The following MDGA2 variants were observed in gnomAD, a reference collection of about 807,000 sequenced individuals.
The protein encoded by MDGA2 is MAM domain containing glycosylphosphatidylinositol anchor 2.
In MDGA2, 40 loss-of-function variants were observed where a neutral mutation model predicts 117.8. The observed-to-expected ratio is 0.34, with a 90% CI of 0.26 to 0.44. The LOEUF is 0.44. MDGA2 is among the 20% of genes least tolerant of loss of function. MDGA2 has a pLI of 1.00. For missense variants in MDGA2, 1,123 were observed against 1,250.6 expected, an observed-to-expected ratio of 0.90 and a Z score of 1.54; for synonymous variants, 452 against 439.0, an observed-to-expected ratio of 1.03 and a Z score of -0.37.
chr14:47,470,265 G>GCCCCCCCCCC, intron 1 of MDGA2, among the ~76,000 whole-genome samples: 4 of 124,940 alleles, frequency 3.2e-5, no homozygotes, highest in South Asian at 2.6e-4. Context: ...CCTTCCCCCA[G>GCCCCCCCCCC]CCCCCCCACC....
At position 47,171,465 on chromosome 14, in the gene MDGA2, T is replaced by C. The variant is rs572138051; in HGVS notation, c.596-27191A>G. 5.3e-5 allele frequency among the ~76,000 whole-genome samples: 8 copies of C among 152,260 alleles called. No homozygotes were observed. The East Asian group carries it at 1.5e-3, about 29-fold the overall frequency. On this transcript the variant is annotated intron_variant, in intron 3 of 16. Coordinates refer to ENST00000399232, the MANE Select transcript of MDGA2 (RefSeq NM_001113498.3). ...AAAAACTAACCAAGGAAGAGGCAATTTATATGAAAAATGTAACTACTTTTC... is the reference window on the plus strand; with the variant it reads ...AAAAACTAACCAAGGAAGAGGCAATCTATATGAAAAATGTAACTACTTTTC...
At chr14:47,405,035 T>G (rs1242162797) in intron 1 of MDGA2, among the ~76,000 whole-genome samples, 1 of 152,186 alleles carries the variant, frequency 6.6e-6, no homozygotes, top group Non-Finnish European at 1.5e-5. Flanking sequence ...ATGAATGATG[T>G]TTATAGCAAT....
chr14:47,032,432 A>T (rs1488628730), intron 8 of MDGA2, among the ~76,000 whole-genome samples: 1 of 152,126 alleles, frequency 6.6e-6, no homozygotes, highest in African/African-American at 2.4e-5. Flanking sequence ...ACACAAAATT[A>T]AAAAATTAGC....
chr14:46,868,376 G>T (rs917535841), intron 14 of MDGA2, among the ~76,000 whole-genome samples: 1 of 151,764 alleles, frequency 6.6e-6, no homozygotes, highest in East Asian at 1.9e-4. Context: ...TGCAGGGCAG[G>T]GTGTCATCAG....
chr14:46,957,670 TG>T (rs1885617738), intron 8 of MDGA2, 27 bp from the exon 9 acceptor site: 1 of 1,610,988 alleles, frequency 6.2e-7, no homozygotes, highest in Admixed American at 1.7e-5. Flanking sequence ...TAAAAACAGA[TG>T]AAAGATGTGA....
intron 1 of MDGA2, among the ~76,000 whole-genome samples, chr14:47,513,058 T>C (rs1019725867): frequency 6.6e-6 from 1 of 152,128 alleles, no homozygotes; most frequent in Non-Finnish European, 1.5e-5. Context: ...CTATTATATA[T>C]AGTCATTCCA....
chr14:47,376,010 G>T (rs1891470211), intron 1 of MDGA2, among the ~76,000 whole-genome samples: 1 of 152,106 alleles, frequency 6.6e-6, no homozygotes, highest in Admixed American at 6.6e-5. Context: ...ATTATTCCAT[G>T]TAATGCATGT....
chr14:47,093,401 C>G (rs1879783466), intron 6 of MDGA2, among the ~76,000 whole-genome samples: 1 of 152,056 alleles, frequency 6.6e-6, no homozygotes, highest in Non-Finnish European at 1.5e-5. Flanking sequence ...GAGATGTAGG[C>G]ATTTCTAAAT....
At chr14:47,593,729 G>A (rs1004614272) in intron 1 of MDGA2, among the ~76,000 whole-genome samples, 1 of 152,064 alleles carries the variant, frequency 6.6e-6, no homozygotes, top group Non-Finnish European at 1.5e-5. Context: ...CCTGTTGGGG[G>A]ATGGGGGAGG....
chr14:47,156,561 T>A (rs1274746043), intron 3 of MDGA2, among the ~76,000 whole-genome samples: 1 of 152,184 alleles, frequency 6.6e-6, no homozygotes, highest in Non-Finnish European at 1.5e-5. Flanking sequence ...CAGGATGTAG[T>A]CACAAGTTAA....
chr14:46,946,293 T>C (rs1407635374), intron 9 of MDGA2, among the ~76,000 whole-genome samples: 3 of 152,048 alleles, frequency 2.0e-5, no homozygotes, highest in African/African-American at 7.2e-5. Context: ...TATAACTTTA[T>C]TGCTTGATTT....
At chr14:47,481,874 C>A (rs1417366562) in intron 1 of MDGA2, among the ~76,000 whole-genome samples, 1 of 152,044 alleles carries the variant, frequency 6.6e-6, no homozygotes, top group African/African-American at 2.4e-5. Flanking sequence ...TAAAAAATCC[C>A]AACTATCCAA....
intron 5 of MDGA2, among the ~76,000 whole-genome samples, chr14:47,128,176 C>T (rs1360792736): frequency 6.6e-6 from 1 of 152,112 alleles, no homozygotes; most frequent in Non-Finnish European, 1.5e-5. Flanking sequence ...ATTCTCAAAA[C>T]AATCCAGTGA....
chr14:47,568,777 T>C (rs1255382417), intron 1 of MDGA2, among the ~76,000 whole-genome samples: 1 of 152,218 alleles, frequency 6.6e-6, no homozygotes, highest in African/African-American at 2.4e-5. Context: ...TGCAGAATTT[T>C]TTTCATGATC....
chr14:47,420,986 A>G (rs1566447763), intron 1 of MDGA2, among the ~76,000 whole-genome samples: 1 of 152,202 alleles, frequency 6.6e-6, no homozygotes, highest in East Asian at 1.9e-4. Context: ...CAAGCATAAA[A>G]CCTGAGAAAT....
chr14:47,534,321 T>A (rs1895161798), intron 1 of MDGA2, among the ~76,000 whole-genome samples: 1 of 152,182 alleles, frequency 6.6e-6, no homozygotes, highest in African/African-American at 2.4e-5. Context: ...TGGCTTTAGA[T>A]TCAATAGCTT....
chr14:47,603,623 C>G (rs1207438760), intron 1 of MDGA2, among the ~76,000 whole-genome samples: 1 of 152,126 alleles, frequency 6.6e-6, no homozygotes, highest in Non-Finnish European at 1.5e-5. Flanking sequence ...TAGTCTCTCT[C>G]TCTCTCTCTC....
At chr14:46,881,961 C>A in intron 11 of MDGA2, 83 bp downstream of exon 11, 1 of 868,088 alleles carries the variant, frequency 1.2e-6, no homozygotes, top group Middle Eastern at 3.8e-4. Context: ...TACTTTGTGT[C>A]TAAATTTGGT....
At chr14:47,459,303 C>T (rs1893430671) in intron 1 of MDGA2, among the ~76,000 whole-genome samples, 1 of 152,052 alleles carries the variant, frequency 6.6e-6, no homozygotes, top group African/African-American at 2.4e-5. Flanking sequence ...TGGTTTTCTC[C>T]ATAGTACAGG....
Sources: allele counts gnomAD v4.1 joint callset (sites outside exome capture counted in the v4.1 genomes callset), GRCh38; gene constraint gnomAD v4.1.1; transcripts MANE v1.5; gene names NCBI Gene and HGNC (gene_info 2026-07-23, HGNC 2026-07-21).